Variants in MCPH1 observed in about 807,000 individuals in gnomAD.
MCPH1 encodes the protein microcephalin 1, also known as microcephalin.
A neutral mutation model predicts 84.5 loss-of-function variants in MCPH1; 104 were observed. The ratio of observed to expected loss-of-function variants is 1.23; its 90% CI spans 1.05 to 1.45. The LOEUF (loss-of-function observed/expected upper bound fraction) is 1.45. Among genes scored for constraint, MCPH1 ranks in the 40% most tolerant of loss-of-function variants. The probability of loss-of-function intolerance (pLI) is 0.00; values close to 1 mark genes in which losing one functional copy is unlikely to be tolerated. For missense variants in MCPH1, 1,498 were observed against 1,005.7 expected (o/e 1.49, Z -6.62); for synonymous variants, 514 against 366.8 (o/e 1.40, Z -4.58).
At chr8:6,479,770 G>C (rs1049447983) in intron 10 of MCPH1, among the ~76,000 whole-genome samples, 2 of 152,156 alleles carry the variant, frequency 1.3e-5, no homozygotes, top group Admixed American at 6.5e-5. Flanking sequence ...AGAAAGAACT[G>C]AGGGTTGTTT....
chr8:6,427,475 A>G (rs1801222307), intron 3 of MCPH1, among the ~76,000 whole-genome samples: 1 of 152,094 alleles, frequency 6.6e-6, no homozygotes, highest in Non-Finnish European at 1.5e-5. Flanking sequence ...AGGCTCAAGC[A>G]ATCCTCCTGC....
At chr8:6,593,573 C>G (rs888601758) in intron 12 of MCPH1, among the ~76,000 whole-genome samples, 3 of 152,076 alleles carry the variant, frequency 2.0e-5, no homozygotes, top group African/African-American at 7.2e-5. Context: ...AGGCTAGTCC[C>G]AGACTCCTGA....
chr8:6,420,031 T>TC (rs890642006), intron 3 of MCPH1, among the ~76,000 whole-genome samples: 4 of 151,898 alleles, frequency 2.6e-5, no homozygotes, highest in African/African-American at 7.3e-5. Flanking sequence ...CATAGTTTCT[T>TC]TTATAGGTGA....
rs17077744 is a variant in MCPH1 at position 6,642,980 on chromosome 8, C to T, written c.2453-14C>T. On this transcript the variant is annotated splice_polypyrimidine_tract_variant and intron_variant, in intron 13 of 13. Coordinates refer to ENST00000344683, the MANE Select transcript of MCPH1 (RefSeq NM_024596.5). ...CTATTATGAATGCTAAACTGCTTTT[C>T]GCTCTCTCTCTAGATTCCATCACCC... 1.6e-3 allele frequency: 2,510 copies of T among 1,613,320 alleles called. 35 individuals carry two copies. The African/African-American group carries it at 0.029, about 19-fold the overall frequency.
chr8:6,549,570 C>T (rs577767283), intron 12 of MCPH1, among the ~76,000 whole-genome samples: 3 of 151,524 alleles, frequency 2.0e-5, no homozygotes, highest in African/African-American at 7.3e-5. Context: ...GTGAGGGAGC[C>T]GCGTGCAGGG....
At chr8:6,480,563 T>A in intron 10 of MCPH1, 151 bp from the exon 11 acceptor site, 1 of 761,856 alleles carries the variant, frequency 1.3e-6, no homozygotes, top group Non-Finnish European at 2.3e-6. Context: ...AAGCATTGAT[T>A]ATAAGTCAGT....
chr8:6,519,836 A>G (rs753383272), intron 12 of MCPH1: 271 of 1,610,654 alleles, frequency 1.7e-4, no homozygotes, highest in Admixed American at 3.5e-4. Context: ...AGAGCCAGGG[A>G]GTTAGTAAGG....
intron 3 of MCPH1, among the ~76,000 whole-genome samples, chr8:6,424,200 A>C (rs1221606189): frequency 6.6e-6 from 1 of 152,216 alleles, no homozygotes; most frequent in Non-Finnish European, 1.5e-5. Flanking sequence ...TTTACCTTGA[A>C]GAAAGAATAC....
chr8:6,626,807 G>A (rs778400229), intron 13 of MCPH1: 43 of 985,188 alleles, frequency 4.4e-5, no homozygotes, highest in Non-Finnish European at 4.3e-5. Flanking sequence ...TTGTGCTGTG[G>A]TCAGCTCTGT....
At chr8:6,417,988 A>G (rs1021977365) in intron 3 of MCPH1, among the ~76,000 whole-genome samples, 1 of 152,236 alleles carries the variant, frequency 6.6e-6, no homozygotes, top group Non-Finnish European at 1.5e-5. Context: ...GCACACTGTC[A>G]TTATGTGGGC....
At chr8:6,604,317 CAGA>C (rs1224019315) in intron 12 of MCPH1, among the ~76,000 whole-genome samples, 2 of 152,226 alleles carry the variant, frequency 1.3e-5, no homozygotes, top group African/African-American at 4.8e-5. Context: ...TTCCAGCCAA[CAGA>C]AGAACTTTTG....
intron 8 of MCPH1, among the ~76,000 whole-genome samples, chr8:6,448,358 A>G (rs1271375895): frequency 6.6e-6 from 1 of 152,242 alleles, no homozygotes; most frequent in East Asian, 1.9e-4. Context: ...CGGGGAGGCC[A>G]GTACAGCAAG....
chr8:6,554,003 G>A (rs906354398), intron 12 of MCPH1, among the ~76,000 whole-genome samples: 2 of 151,824 alleles, frequency 1.3e-5, no homozygotes, highest in African/African-American at 2.4e-5. Context: ...AGAGACGAGC[G>A]CACAACTCAG....
chr8:6,415,484 G>C (rs1347666636), intron 3 of MCPH1, among the ~76,000 whole-genome samples: 1 of 151,900 alleles, frequency 6.6e-6, no homozygotes, highest in East Asian at 1.9e-4. Context: ...CTCCCGAGTA[G>C]CTGGGATTAC....
intron 12 of MCPH1, among the ~76,000 whole-genome samples, chr8:6,591,536 C>A (rs62496915): frequency 4.8e-4 from 73 of 152,260 alleles, no homozygotes; most frequent in South Asian, 2.9e-3. Context: ...TTTAAAATAC[C>A]TGAATGTCCT....
At position 6,556,528 on chromosome 8, in the gene MCPH1, G is replaced by A. The variant is rs988268024; in HGVS notation, c.2214+56599G>A. On this transcript the variant is annotated intron_variant, in intron 12 of 13. Transcript: ENST00000344683. ...CTCATTTCATTCATTTACCCCTTCTGTGCAGCACATACTAGCTGCTGCTAC... is the reference window on the plus strand; with the variant it reads ...CTCATTTCATTCATTTACCCCTTCTATGCAGCACATACTAGCTGCTGCTAC... Among the ~76,000 whole-genome samples the A allele has an allele frequency of 7.2e-5, 11 of 151,888 alleles. 1 individual carries two copies. The highest frequency in any genetic ancestry group is 6.8e-3 in the Middle Eastern group (2 of 294).
At chr8:6,579,439 T>C (rs1365901541) in intron 12 of MCPH1, among the ~76,000 whole-genome samples, 3 of 152,226 alleles carry the variant, frequency 2.0e-5, no homozygotes, top group African/African-American at 4.8e-5. Flanking sequence ...TATGTCCTTG[T>C]GTTGGCAGAG....
At position 6,434,487 on chromosome 8, in the gene MCPH1, G is replaced by T. The variant is rs565619140; in HGVS notation, c.322-1561G>T. ...TACTTTAGTGAAAGCAGTGCAGGCC[G>T]GTTCCAAGCCTGTTGAAATGAACCT... On this transcript the variant is annotated intron_variant, in intron 4 of 13. Coordinates refer to ENST00000344683, the MANE Select transcript of MCPH1 (RefSeq NM_024596.5). Among the ~76,000 whole-genome samples the T allele has an allele frequency of 2.6e-5, 4 of 152,246 alleles. No individual in the cohort carries two copies. The South Asian group carries it at 8.3e-4, about 32-fold the overall frequency.
At chr8:6,527,032 C>G (rs1367421565) in intron 12 of MCPH1, among the ~76,000 whole-genome samples, 4 of 152,212 alleles carry the variant, frequency 2.6e-5, no homozygotes, top group African/African-American at 7.2e-5. Context: ...ATAAGTGTAG[C>G]TTTCATACTA....
Sources: gnomAD v4.1 joint callset for allele counts (sites outside exome capture counted in the v4.1 genomes callset) on GRCh38, gnomAD v4.1.1 for gene constraint, MANE v1.5 for transcripts, NCBI Gene and HGNC (gene_info 2026-07-23, HGNC 2026-07-21) for gene names.